The following MACROD2 variants were observed in gnomAD, a reference collection of about 807,000 sequenced individuals.
MACROD2 encodes the protein mono-ADP ribosylhydrolase 2.
In MACROD2, 36 loss-of-function variants were observed where a neutral mutation model predicts 70.4. The observed-to-expected ratio is 0.51, with a 90% confidence interval of 0.39 to 0.68. MACROD2 has a LOEUF of 0.68. Ranked by LOEUF, MACROD2 falls within the 30% of genes least tolerant of loss-of-function variation. The probability of loss-of-function intolerance (pLI) is 0.00; values close to 1 mark genes in which losing one functional copy is unlikely to be tolerated. For synonymous variants in MACROD2, 172 were observed against 178.8 expected (o/e 0.96, Z 0.30); for missense variants, 496 against 538.4 (o/e 0.92, Z 0.78).
intron 5 of MACROD2, among the ~76,000 whole-genome samples, chr20:14,780,562 C>CAA (rs763622429): frequency 0.011 from 1,345 of 124,174 alleles, 28 homozygotes; most frequent in African/African-American, 0.033. Context: ...AACTCCGTCT[C>CAA]AAAAAAAAAA....
At chr20:14,096,214 C>T (rs1440930943) in intron 3 of MACROD2, among the ~76,000 whole-genome samples, 1 of 152,076 alleles carries the variant, frequency 6.6e-6, no homozygotes, top group Non-Finnish European at 1.5e-5. Context: ...CAAATAGATA[C>T]AGTTCATTGT....
intron 5 of MACROD2, among the ~76,000 whole-genome samples, chr20:15,088,409 A>T (rs1205650480): frequency 8.5e-4 from 4 of 4,682 alleles, no homozygotes; most frequent in South Asian, 2.0e-3. Context: ...ATATATATAT[A>T]TATATATATA....
chr20:15,973,422 AAT>A (rs1390755447), intron 13 of MACROD2, among the ~76,000 whole-genome samples: 1 of 152,208 alleles, frequency 6.6e-6, no homozygotes, highest in East Asian at 1.9e-4. Context: ...GGATTCTGAC[AAT>A]ATGTTACCTT....
At chr20:14,477,173 T>C (rs990395371) in intron 3 of MACROD2, among the ~76,000 whole-genome samples, 3 of 152,136 alleles carry the variant, frequency 2.0e-5, no homozygotes, top group Non-Finnish European at 4.4e-5. Flanking sequence ...GGAGTTCAAA[T>C]GCACAAGCGA....
In MACROD2 at chr20:15,079,810, A is replaced by G. The variant is rs370650140; in HGVS notation, c.419-150130A>G. The stretch of plus-strand genomic sequence containing the variant: ...GTCTCAAGTGGGTCCTCAGCCTCCT[A>G]GAAAGTCTCTTCACATTCCCTCAGT... On this transcript the variant is annotated intron_variant, in intron 5 of 17. Transcript: ENST00000684519. 3.8e-4 allele frequency among the ~76,000 whole-genome samples: 58 copies of G among 152,206 alleles called. 1 individual carries two copies. The East Asian group carries it at 9.3e-3, about 24-fold the overall frequency.
chr20:14,457,228 T>A (rs930146878), intron 3 of MACROD2, among the ~76,000 whole-genome samples: 2 of 152,134 alleles, frequency 1.3e-5, no homozygotes, highest in African/African-American at 4.8e-5. Flanking sequence ...TTAAGTGAGC[T>A]GTTTAGTGAA....
intron 15 of MACROD2, among the ~76,000 whole-genome samples, chr20:15,994,730 T>C (rs2066604465): frequency 6.6e-6 from 1 of 152,188 alleles, no homozygotes. Context: ...TGCTTCTACT[T>C]AGAGGCAGTT....
chr20:15,882,047 C>A (rs2064761953), intron 9 of MACROD2, among the ~76,000 whole-genome samples: 1 of 152,036 alleles, frequency 6.6e-6, no homozygotes, highest in South Asian at 2.1e-4. Flanking sequence ...ATTTTATTAT[C>A]CCTATTTTTC....
intron 5 of MACROD2, among the ~76,000 whole-genome samples, chr20:14,713,629 T>C (rs888073762): frequency 1.3e-5 from 2 of 152,172 alleles, no homozygotes; most frequent in South Asian, 2.1e-4. Flanking sequence ...TACTTTGTCA[T>C]TGAAGACCTA....
chr20:14,684,405 A>G (rs1009900121), intron 4 of MACROD2, among the ~76,000 whole-genome samples: 2 of 152,036 alleles, frequency 1.3e-5, no homozygotes, highest in African/African-American at 2.4e-5. Flanking sequence ...TTCTTCTCTA[A>G]CCTGTGGTGT....
chr20:15,133,859 G>A (rs2076124628), intron 5 of MACROD2, among the ~76,000 whole-genome samples: 1 of 151,508 alleles, frequency 6.6e-6, no homozygotes, highest in Non-Finnish European at 1.5e-5. Flanking sequence ...TTACTGAAAG[G>A]GAAATAGCTG....
chr20:15,012,536 C>T lies in MACROD2; in HGVS notation c.419-217404C>T, dbSNP rs565058436. ...AGAGCCCGGTAGTTCTTATAGCATT[C>T]GGAGCCAATGGGAAGGAGTACACTT... is the stretch of plus-strand genomic sequence containing the variant. On this transcript the variant is annotated intron_variant, in intron 5 of 17. Coordinates refer to ENST00000684519, the MANE Select transcript of MACROD2 (RefSeq NM_001351661.2). Among the ~76,000 whole-genome samples the T allele has an allele frequency of 1.1e-4, 17 of 152,260 alleles. No homozygotes were observed. The South Asian group carries it at 3.5e-3, about 32-fold the overall frequency.
chr20:15,352,520 A>G (rs899169607), intron 6 of MACROD2, among the ~76,000 whole-genome samples: 5 of 152,194 alleles, frequency 3.3e-5, no homozygotes, highest in Admixed American at 3.3e-4. Flanking sequence ...ATTTAACTTC[A>G]GAAGTATTTA....
At chr20:14,155,727 A>G (rs1358237764) in intron 3 of MACROD2, among the ~76,000 whole-genome samples, 1 of 152,184 alleles carries the variant, frequency 6.6e-6, no homozygotes, top group Non-Finnish European at 1.5e-5. Flanking sequence ...CTCATTTTAG[A>G]AAACTTTTAA....
intron 5 of MACROD2, chr20:14,894,121 G>T (rs2073798173): frequency 6.6e-6 from 1 of 151,982 alleles, no homozygotes; most frequent in South Asian, 2.1e-4. Flanking sequence ...TTATTTTCAT[G>T]TTTCAGATAC....
chr20:15,478,345 A>C (rs547448116), intron 7 of MACROD2, among the ~76,000 whole-genome samples: 1 of 152,112 alleles, frequency 6.6e-6, no homozygotes. Flanking sequence ...CAAGCTGTGC[A>C]CCCTCCTGTC....
Position 14,522,978 on chromosome 20 carries a change from C to T in MACROD2, c.301+29470C>T, listed in dbSNP as rs111437469. Among the ~76,000 whole-genome samples the T allele has an allele frequency of 1.1e-4, 16 of 152,164 alleles. 1 individual carries two copies. The highest frequency in any genetic ancestry group is 3.6e-4 in the African/African-American group (15 of 41,434). On this transcript the variant is annotated intron_variant, in intron 4 of 17. Coordinates refer to ENST00000684519, the MANE Select transcript of MACROD2 (RefSeq NM_001351661.2). ...GAAGGAAATACCGGTCTCACAGTCA[C>T]GCCTTTTATACTTTTGAGAATGAAT...
intron 8 of MACROD2, among the ~76,000 whole-genome samples, chr20:15,842,468 C>CTTTTTT (rs3071404): frequency 7.3e-6 from 1 of 137,446 alleles, no homozygotes. Flanking sequence ...TTTTTTTCAT[C>CTTTTTT]TTTTTTTTTT....
At chr20:15,251,118 G>A in intron 6 of MACROD2, among the ~76,000 whole-genome samples, 1 of 152,130 alleles carries the variant, frequency 6.6e-6, no homozygotes, top group East Asian at 1.9e-4. Flanking sequence ...GAAAGAAATT[G>A]GGAATCATTT....
Sources: allele counts gnomAD v4.1 joint callset (sites outside exome capture counted in the v4.1 genomes callset), GRCh38; gene constraint gnomAD v4.1.1; transcripts MANE v1.5; gene names NCBI Gene and HGNC (gene_info 2026-07-23, HGNC 2026-07-21).